The following TSGA10 variants were observed in gnomAD, a reference collection of about 807,000 sequenced individuals.
The protein encoded by TSGA10 is testis specific 10, also known as testis-specific gene 10 protein.
TSGA10 carries 43 observed loss-of-function variants against 96.6 expected under a neutral mutation model. The ratio of observed to expected loss-of-function variants is 0.44; its 90% CI spans 0.35 to 0.57. The LOEUF (loss-of-function observed/expected upper bound fraction) is 0.57. Among genes scored for constraint, TSGA10 ranks in the 20% least tolerant of loss-of-function variants. The pLI is 0.01. For missense variants in TSGA10, 703 were observed against 834.4 expected (o/e 0.84, Z 1.94); for synonymous variants, 229 against 269.9 (o/e 0.85, Z 1.48).
chr2:99,098,942 C>G (rs1299832804), intron 10 of TSGA10, among the ~76,000 whole-genome samples: 1 of 152,006 alleles, frequency 6.6e-6, no homozygotes, highest in Non-Finnish European at 1.5e-5. Flanking sequence ...CACAAAATGA[C>G]AGAAGAAAAA....
rs1374083663 is a variant in TSGA10 at position 99,059,046 on chromosome 2, AAT to A, written c.1404+5891_1404+5892del. Among the ~76,000 whole-genome samples the A allele has an allele frequency of 1.9e-3, 225 of 116,494 alleles. 3 individuals are homozygous for A. Among genetic ancestry groups the A allele is most frequent in the Admixed American group, 5.1e-3 (51 of 9,994 alleles). The allele number at this position is 116,494 out of a possible 152,430, so 76.4% of individuals were successfully genotyped here. On this transcript the variant is annotated intron_variant, in intron 16 of 20. Coordinates refer to ENST00000393483, the MANE Select transcript of TSGA10 (RefSeq NM_025244.4). Reference sequence around the variant, plus strand: ...GTGAGACTCTGTCTCAAAAAAAAAAAATAATATATATATATATATATATTTAT... The same window carrying A: ...GTGAGACTCTGTCTCAAAAAAAAAAAAATATATATATATATATATATTTAT...
intron 17 of TSGA10, among the ~76,000 whole-genome samples, chr2:99,025,952 A>G (rs369326927): frequency 1.3e-5 from 2 of 152,220 alleles, no homozygotes; most frequent in African/African-American, 4.8e-5. Flanking sequence ...ATGGGAAAAC[A>G]TATTTTGCAT....
chr2:99,005,594 A>G (rs926844948), intron 20 of TSGA10, among the ~76,000 whole-genome samples: 31 of 152,348 alleles, frequency 2.0e-4, no homozygotes, highest in Admixed American at 1.8e-3. Context: ...AGGGATATGA[A>G]GGACCTCTTC....
At chr2:99,004,174 A>C (rs1444242059) in intron 20 of TSGA10, among the ~76,000 whole-genome samples, 2 of 152,254 alleles carry the variant, frequency 1.3e-5, no homozygotes, top group Admixed American at 6.5e-5. Flanking sequence ...AAACACCTCT[A>C]TGCAAATAAA....
Position 99,064,951 on chromosome 2 carries a change from T to A in TSGA10, c.1392A>T (p.Arg464Ser), listed in dbSNP as rs1313213530. Residue 464 changes from arginine (R) to serine (S), a missense_variant, in exon 16 of 21, where the codon AGA (arginine) becomes AGT (serine). By Grantham distance (110) the Arg-to-Ser change is moderately radical. Coordinates refer to ENST00000393483, the MANE Select transcript of TSGA10 (RefSeq NM_025244.4). ...RLKEKVDSLN[R>S]EVEQHLNAER... ...TTTCCAAACTTACTTGCTCAACCTC[T>A]CTGTTGAGGGAATCTACTTTTTCTT... 6.3e-7 allele frequency: 1 copy of A among 1,591,520 alleles called. No homozygotes were observed. The highest frequency in any genetic ancestry group is 8.5e-7 in the Non-Finnish European group (1 of 1,171,928).
At chr2:99,064,111 T>C (rs954413288) in intron 16 of TSGA10, among the ~76,000 whole-genome samples, 2 of 152,310 alleles carry the variant, frequency 1.3e-5, no homozygotes, top group African/African-American at 4.8e-5. Context: ...AAATTGCACA[T>C]ATCTTGGATC....
intron 16 of TSGA10, among the ~76,000 whole-genome samples, chr2:99,045,861 G>A (rs1377067867): frequency 6.6e-6 from 1 of 152,140 alleles, no homozygotes; most frequent in Admixed American, 6.5e-5. Flanking sequence ...GACATACATA[G>A]GCTCAAAATA....
Position 99,105,644 on chromosome 2 carries a change from A to G in TSGA10, c.264T>C (p.Ser88=). ...LRREMMKSCK[S]PKSTTAHAIL... ...TAGCATGTGCCGTTGTTGATTTAGG[A>G]CTCTTACAGCTTTTCATCATTTCTC... Residue 88 remains serine (S), a synonymous_variant, in exon 8 of 21, where the codon AGT becomes AGC. Transcript: ENST00000393483. 1 of 1,602,692 alleles carries G rather than the reference A, an allele frequency of 6.2e-7. No homozygotes were observed. Among genetic ancestry groups the G allele is most frequent in the African/African-American group, 1.3e-5 (1 of 74,714 alleles).
At chr2:99,032,418 T>C (rs2081223075) in intron 17 of TSGA10, among the ~76,000 whole-genome samples, 1 of 152,188 alleles carries the variant, frequency 6.6e-6, no homozygotes, top group African/African-American at 2.4e-5. Context: ...TTGCAACAGG[T>C]AGATTCACAT....
chr2:99,143,583 G>GC (rs2093600923), intron 1 of TSGA10, among the ~76,000 whole-genome samples: 1 of 151,632 alleles, frequency 6.6e-6, no homozygotes, highest in Admixed American at 6.6e-5. Context: ...CAGTTCTCCT[G>GC]CCTTAGCCCC....
intron 17 of TSGA10, among the ~76,000 whole-genome samples, chr2:99,022,102 G>C (rs1166215639): frequency 6.6e-6 from 1 of 152,016 alleles, no homozygotes; most frequent in African/African-American, 2.4e-5. Flanking sequence ...AAGGTAGGTG[G>C]ATTGCTTGAG....
chr2:99,143,311 T>A (rs557729134), intron 1 of TSGA10, among the ~76,000 whole-genome samples: 1 of 151,180 alleles, frequency 6.6e-6, no homozygotes, highest in Admixed American at 6.6e-5. Context: ...CCAGCTTTTT[T>A]TTTGTTTGTT....
chr2:99,037,968 A>G (rs2081802565), intron 16 of TSGA10, among the ~76,000 whole-genome samples: 1 of 151,758 alleles, frequency 6.6e-6, no homozygotes, highest in Non-Finnish European at 1.5e-5. Context: ...TCTTAGCAGA[A>G]ACCATACAAG....
intron 20 of TSGA10, 74 bp from the exon 21 acceptor site, chr2:98,998,295 G>T: frequency 6.4e-6 from 8 of 1,240,460 alleles, no homozygotes; most frequent in Non-Finnish European, 6.9e-6. Flanking sequence ...ATTTATTCTA[G>T]TAAGTGTATC....
chr2:99,001,602 C>G (rs780192151), intron 20 of TSGA10, among the ~76,000 whole-genome samples: 1 of 152,170 alleles, frequency 6.6e-6, no homozygotes, highest in Non-Finnish European at 1.5e-5. Flanking sequence ...AGCTCCCCAC[C>G]AGCAACAGAA....
At chr2:99,007,114 G>A (rs2078559794) in intron 20 of TSGA10, among the ~76,000 whole-genome samples, 1 of 151,982 alleles carries the variant, frequency 6.6e-6, no homozygotes, top group South Asian at 2.1e-4. Flanking sequence ...GACACAGGAA[G>A]GGGAGCATCA....
intron 12 of TSGA10, among the ~76,000 whole-genome samples, chr2:99,077,912 G>A (rs1036315957): frequency 2.0e-5 from 3 of 151,968 alleles, no homozygotes; most frequent in Non-Finnish European, 4.4e-5. Context: ...TGGGATGGAG[G>A]TTATCATCCA....
intron 14 of TSGA10, among the ~76,000 whole-genome samples, chr2:99,070,862 C>T (rs2085880419): frequency 6.6e-6 from 1 of 152,106 alleles, no homozygotes; most frequent in South Asian, 2.1e-4. Context: ...GCATATGTCA[C>T]AATTAATAAG....
chr2:99,082,371 G>A (rs1167708936), intron 10 of TSGA10, among the ~76,000 whole-genome samples: 1 of 152,000 alleles, frequency 6.6e-6, no homozygotes, highest in African/African-American at 2.4e-5. Flanking sequence ...TTGCATTTGA[G>A]CTCCCCTCCC....
Sources: gnomAD v4.1 joint callset for allele counts (sites outside exome capture counted in the v4.1 genomes callset) on GRCh38, gnomAD v4.1.1 for gene constraint, MANE v1.5 for transcripts, NCBI Gene and HGNC (gene_info 2026-07-23, HGNC 2026-07-21) for gene names.